Variants in TRIO observed in about 807,000 individuals in gnomAD.
TRIO encodes triple functional domain protein.
A neutral mutation model predicts 351.9 loss-of-function variants in TRIO; 58 were observed. That is an observed-to-expected ratio of 0.16 (90% CI 0.13 to 0.21). TRIO has a LOEUF of 0.21. Ranked by LOEUF, TRIO falls within the 10% of genes least tolerant of loss-of-function variation. TRIO has a pLI of 1.00. For missense variants in TRIO, 3,201 were observed against 4,027.8 expected (o/e 0.79, Z 5.56); for synonymous variants, 1,758 against 1,595.7 (o/e 1.10, Z -2.42).
intron 13 of TRIO, among the ~76,000 whole-genome samples, chr5:14,363,042 A>G (rs1375048506): frequency 1.4e-5 from 2 of 138,094 alleles, no homozygotes; most frequent in East Asian, 2.1e-4. Context: ...ACTCTTGCCC[A>G]TGCTGGAGTG....
chr5:14,146,789 G>T (rs1049118791), intron 1 of TRIO, among the ~76,000 whole-genome samples: 1 of 152,120 alleles, frequency 6.6e-6, no homozygotes, highest in African/African-American at 2.4e-5. Context: ...ATTGTTCTCC[G>T]CTTTTCTTTG....
At chr5:14,232,830 TA>T (rs1426036450) in intron 1 of TRIO, among the ~76,000 whole-genome samples, 1 of 152,208 alleles carries the variant, frequency 6.6e-6, no homozygotes, top group African/African-American at 2.4e-5. Flanking sequence ...AGGATGAAAA[TA>T]TTTAAAACAA....
At chr5:14,502,706 A>T (rs774608527) in intron 54 of TRIO, 49 bp downstream of exon 54, 3 of 1,564,386 alleles carry the variant, frequency 1.9e-6, no homozygotes, top group Non-Finnish European at 2.6e-6. Flanking sequence ...AGCGTGGGGA[A>T]GACATACCAG....
At position 14,387,562 on chromosome 5, in the gene TRIO, C is replaced by T. The variant is rs1746651570; in HGVS notation, c.3695C>T (p.Ser1232Phe). ...TAVDKRYRDFSLRMEKYRTSL... is the reference protein window; with the variant it reads ...TAVDKRYRDFFLRMEKYRTSL... Reference sequence around the variant, plus strand: ...GTGGATAAGAGGTACAGAGATTTCTCTCTGCGGATGGAGAAGTACAGGACC... The same window carrying T: ...GTGGATAAGAGGTACAGAGATTTCTTTCTGCGGATGGAGAAGTACAGGACC... Residue 1232 changes from serine to phenylalanine, a missense_variant, in exon 22 of 57, where the codon TCT (serine) becomes TTT (phenylalanine). Ser to Phe is a radical substitution (Grantham distance 155). Coordinates refer to ENST00000344204, the MANE Select transcript of TRIO (RefSeq NM_007118.4). 1.2e-6 allele frequency: 2 copies of T among 1,614,252 alleles called. No individual in the cohort carries two copies. The highest frequency in any genetic ancestry group is 1.7e-6 in the Non-Finnish European group (2 of 1,180,040).
rs1324870316 is a variant in TRIO, at chr5:14,391,749, C to G, written c.4218+759C>G. On this transcript the variant is annotated intron_variant, in intron 27 of 56. Transcript: ENST00000344204. Reference sequence around the variant, plus strand: ...GTTGGACTTGTTTTCTGTCTTTACACTTGTGCATGGACTGGTGGGATCATC... The same window carrying G: ...GTTGGACTTGTTTTCTGTCTTTACAGTTGTGCATGGACTGGTGGGATCATC... Among the ~76,000 whole-genome samples, 82 of 152,230 alleles carry G rather than the reference C, an allele frequency of 5.4e-4. 1 individual carries two copies. The highest frequency in any genetic ancestry group is 5.4e-3 in the Admixed American group (82 of 15,292).
chr5:14,396,176 C>T (rs552541446), intron 28 of TRIO, among the ~76,000 whole-genome samples: 6 of 151,906 alleles, frequency 3.9e-5, no homozygotes, highest in Non-Finnish European at 7.4e-5. Flanking sequence ...ATAGGGCTCC[C>T]CAGAGAGATG....
At chr5:14,370,238 G>A (rs1277709158) in intron 18 of TRIO, among the ~76,000 whole-genome samples, 4 of 151,742 alleles carry the variant, frequency 2.6e-5, no homozygotes, top group Non-Finnish European at 4.4e-5. Flanking sequence ...CGGTCCTCCC[G>A]CTTCAGCCTC....
At chr5:14,458,949 G>A (rs895115553) in intron 34 of TRIO, among the ~76,000 whole-genome samples, 2 of 152,108 alleles carry the variant, frequency 1.3e-5, no homozygotes, top group Admixed American at 6.5e-5. Context: ...TAAAAATAGA[G>A]TAAATATATG....
chr5:14,281,328 A>T, intron 3 of TRIO, among the ~76,000 whole-genome samples: 1 of 151,774 alleles, frequency 6.6e-6, no homozygotes, highest in Non-Finnish European at 1.5e-5. Flanking sequence ...AAGAGGGTGG[A>T]GGTAGGGGGT....
intron 1 of TRIO, among the ~76,000 whole-genome samples, chr5:14,257,241 A>AGGGGCCACTAGCAAGGGT (rs1795075199): frequency 6.6e-6 from 1 of 152,180 alleles, no homozygotes; most frequent in East Asian, 1.9e-4. Context: ...CACCAGATCC[A>AGGGGCCACTAGCAAGGGT]GGGGCCACTA....
chr5:14,488,335 G>A, intron 48 of TRIO, 75 bp downstream of exon 48: 1 of 1,492,566 alleles, frequency 6.7e-7, no homozygotes, highest in Non-Finnish European at 8.9e-7. Context: ...CACCGCGGCT[G>A]TTCTCACTAA....
intron 1 of TRIO, among the ~76,000 whole-genome samples, chr5:14,193,236 A>C (rs1396556403): frequency 6.6e-6 from 1 of 152,246 alleles, no homozygotes; most frequent in Non-Finnish European, 1.5e-5. Flanking sequence ...ATTCACTATA[A>C]ATAAGTAAAT....
rs573694360 is a variant in TRIO, at chr5:14,202,295, T to A, written c.157+58413T>A. ...TAAAACATTTTGAATATTTTTGTGA[T>A]TTTTTTTTTTTTTTTTTTTTTTTTT... is the stretch of plus-strand genomic sequence containing the variant. On this transcript the variant is annotated intron_variant, in intron 1 of 56. Coordinates refer to ENST00000344204, the MANE Select transcript of TRIO (RefSeq NM_007118.4). 7.5e-3 allele frequency among the ~76,000 whole-genome samples: 53 copies of A among 7,030 alleles called. 1 individual carries two copies. In the South Asian group the frequency reaches 0.2, roughly 26 times the overall value. The allele number at this position is 7,030 out of a possible 152,430, so 4.6% of individuals were successfully genotyped here.
At chr5:14,482,199 G>C (rs922640180) in intron 45 of TRIO, among the ~76,000 whole-genome samples, 4 of 152,072 alleles carry the variant, frequency 2.6e-5, no homozygotes. Flanking sequence ...TGGTGCTATG[G>C]TTCTCTCTGA....
chr5:14,493,184 G>A (rs927162840), intron 49 of TRIO, among the ~76,000 whole-genome samples: 4 of 151,818 alleles, frequency 2.6e-5, no homozygotes, highest in African/African-American at 9.7e-5. Context: ...TTCTTAGGCC[G>A]CATATTAGTC....
intron 7 of TRIO, 100 bp downstream of exon 7, chr5:14,297,363 G>A (rs1737453908): frequency 2.2e-6 from 3 of 1,355,162 alleles, no homozygotes. Context: ...AGCACATACT[G>A]TGAGCTCCGC....
chr5:14,318,279 CAAAAAAA>C (rs759632595), intron 9 of TRIO, among the ~76,000 whole-genome samples: 41 of 46,506 alleles, frequency 8.8e-4, no homozygotes, highest in Non-Finnish European at 1.2e-3. Flanking sequence ...GACTCTATCT[CAAAAAAA>C]AAAAAAAAAA....
intron 33 of TRIO, among the ~76,000 whole-genome samples, chr5:14,418,249 G>C (rs1019244162): frequency 1.3e-5 from 2 of 152,178 alleles, no homozygotes; most frequent in Non-Finnish European, 2.9e-5. Context: ...TGGCCACTGG[G>C]GGGGACCTTT....
chr5:14,460,174 C>T (rs1753667481), intron 34 of TRIO, among the ~76,000 whole-genome samples: 1 of 152,190 alleles, frequency 6.6e-6, no homozygotes, highest in Admixed American at 6.5e-5. Flanking sequence ...CCTCGGCCTC[C>T]CAAAGTGCTG....
Sources: allele counts gnomAD v4.1 joint callset (sites outside exome capture counted in the v4.1 genomes callset), GRCh38; gene constraint gnomAD v4.1.1; transcripts MANE v1.5; gene names NCBI Gene and HGNC (gene_info 2026-07-23, HGNC 2026-07-21).